Variants in TPPP observed in about 807,000 individuals in gnomAD.
The protein encoded by TPPP is tubulin polymerization promoting protein, also known as tubulin polymerization-promoting protein.
Under a neutral mutation model 15.5 loss-of-function variants are expected in TPPP, and 6 were observed. The ratio of observed to expected loss-of-function variants is 0.39; its 90% confidence interval spans 0.21 to 0.77. The LOEUF (loss-of-function observed/expected upper bound fraction) is 0.77. TPPP is among the 30% of genes least tolerant of loss of function. The pLI is 0.42. For missense variants in TPPP, 269 were observed against 307.2 expected (o/e 0.88, Z 0.93); for synonymous variants, 146 against 133.9 (o/e 1.09, Z -0.63).
At chr5:672,201 C>T (rs978309738) in intron 2 of TPPP, among the ~76,000 whole-genome samples, 1 of 152,154 alleles carries the variant, frequency 6.6e-6, no homozygotes, top group Non-Finnish European at 1.5e-5. Context: ...GACCCCAGTG[C>T]CGGCTGGCCG....
intron 2 of TPPP, among the ~76,000 whole-genome samples, chr5:675,141 G>A (rs67360242): frequency 0.07 from 3,679 of 52,732 alleles, 391 homozygotes; most frequent in African/African-American, 0.27. Context: ...CAGGGGTGCA[G>A]TGTGGCCAGG....
chr5:673,012 G>A (rs1257206516), intron 2 of TPPP, among the ~76,000 whole-genome samples: 1 of 152,218 alleles, frequency 6.6e-6, no homozygotes, highest in African/African-American at 2.4e-5. Context: ...ACAGAAATCG[G>A]TAGACTTTTT....
intron 2 of TPPP, among the ~76,000 whole-genome samples, chr5:669,721 G>A (rs1005516155): frequency 6.6e-6 from 1 of 152,036 alleles, no homozygotes; most frequent in African/African-American, 2.4e-5. Flanking sequence ...CACCTGCTCT[G>A]CGCGCTCCCC....
intron 2 of TPPP, among the ~76,000 whole-genome samples, chr5:673,118 A>G (rs1353132269): frequency 6.6e-6 from 1 of 152,068 alleles, no homozygotes; most frequent in Non-Finnish European, 1.5e-5. Context: ...GGCTCCCACA[A>G]GTGACAGTGG....
chr5:674,072 G>T (rs1458419926), intron 2 of TPPP, among the ~76,000 whole-genome samples: 1 of 152,250 alleles, frequency 6.6e-6, no homozygotes, highest in Non-Finnish European at 1.5e-5. Flanking sequence ...TGCACATGGG[G>T]CCGGCCCTGC....
intron 1 of TPPP, among the ~76,000 whole-genome samples, chr5:692,311 C>T (rs1156746882): frequency 8.2e-6 from 1 of 121,748 alleles, no homozygotes; most frequent in Non-Finnish European, 1.7e-5. Context: ...ATCAAAACTG[C>T]AGCTCCCAAC....
intron 2 of TPPP, among the ~76,000 whole-genome samples, chr5:670,630 A>G (rs3828569): frequency 0.13 from 19,106 of 152,058 alleles, 1,317 homozygotes; most frequent in South Asian, 0.23. Context: ...CCTGTCTGGC[A>G]TCGCCATCCT....
intron 2 of TPPP, among the ~76,000 whole-genome samples, chr5:675,280 G>A (rs867342441): frequency 8.6e-6 from 1 of 116,448 alleles, no homozygotes; most frequent in African/African-American, 3.6e-5. Flanking sequence ...AGCCCAGGGG[G>A]TTCAGTGTGG....
rs1739526130 is a variant in TPPP, at chr5:660,203, A to G, written c.*4899T>C. 1 of 105,222 alleles carries G rather than the reference A, an allele frequency of 9.5e-6. No individual in the cohort carries two copies. Among genetic ancestry groups the G allele is most frequent in the South Asian group, 3.0e-4 (1 of 3,350 alleles). The allele number at this position is 105,222 out of a possible 1,614,324, so 6.5% of individuals were successfully genotyped here. A position where few individuals can be genotyped will look rare whatever the true frequency, so the allele number is the denominator to read the frequency against. Reference sequence around the variant, plus strand: ...ATCACACAGTGTAAAAATATATTGCACATATATATATATATATATATATAT... The same window carrying G: ...ATCACACAGTGTAAAAATATATTGCGCATATATATATATATATATATATAT... On this transcript the variant is annotated 3_prime_UTR_variant, in exon 4 of 4. Coordinates refer to ENST00000360578, the MANE Select transcript of TPPP (RefSeq NM_007030.3).
At chr5:685,034 C>A (rs1316822357) in intron 1 of TPPP, among the ~76,000 whole-genome samples, 1 of 152,182 alleles carries the variant, frequency 6.6e-6, no homozygotes, top group Non-Finnish European at 1.5e-5. Flanking sequence ...AGGTCACAGT[C>A]CTGAAAGGTC....
At chr5:700,619 C>T in the TPPP span, among the ~76,000 whole-genome samples, 1 of 152,094 alleles carries the variant, frequency 6.6e-6, no homozygotes, top group Admixed American at 6.6e-5. Flanking sequence ...TAAATAATTG[C>T]ATCTCAGAAT....
At chr5:674,392 G>A (rs926755468) in intron 2 of TPPP, among the ~76,000 whole-genome samples, 1 of 152,134 alleles carries the variant, frequency 6.6e-6, no homozygotes. Flanking sequence ...GAGCTGCCCT[G>A]CCCTTGCCCA....
At chr5:679,403 AGGATCC>A (rs1740557799) in intron 1 of TPPP, among the ~76,000 whole-genome samples, 3 of 105,208 alleles carry the variant, frequency 2.9e-5, no homozygotes, top group Admixed American at 9.6e-5. Context: ...GCGTGGGGGC[AGGATCC>A]TGGGGGTGGA....
At chr5:665,820 A>G in intron 3 of TPPP, 150 bp downstream of exon 3, 1 of 860,692 alleles carries the variant, frequency 1.2e-6, no homozygotes, top group Non-Finnish European at 1.7e-6. Context: ...ACACCAGGCC[A>G]CGCCCTCCTG....
intron 2 of TPPP, among the ~76,000 whole-genome samples, chr5:675,550 G>A (rs114965154): frequency 8.2e-5 from 12 of 145,732 alleles, no homozygotes; most frequent in South Asian, 2.2e-4. Context: ...CCGTGTGGCC[G>A]GGGGTGCAGT....
chr5:671,907 C>CGGGGGA (rs944424606), intron 2 of TPPP, among the ~76,000 whole-genome samples: 6 of 152,150 alleles, frequency 3.9e-5, no homozygotes, highest in Admixed American at 6.5e-5. Flanking sequence ...CTGGGTACCA[C>CGGGGGA]GGGGGAGGGG....
rs2126858335 is a variant in TPPP, at chr5:663,162, C to CCGATGA, written c.*1934_*1939dup. 1 of 129,896 alleles carries CCGATGA rather than the reference C, an allele frequency of 7.7e-6. No individual in the cohort carries two copies. The highest frequency in any genetic ancestry group is 2.5e-5 in the African/African-American group (1 of 39,850). 8.0% of individuals were successfully genotyped at this position (129,896 alleles called of 1,614,324 possible). On this transcript the variant is annotated 3_prime_UTR_variant, in exon 4 of 4. Transcript: ENST00000360578. ...ACCGCTCGTCTGTGATCGGGTGAGT[C>CCGATGA]CGATGACTGCTCGTCTGTGACCGGG... is the stretch of plus-strand genomic sequence containing the variant.
intron 1 of TPPP, among the ~76,000 whole-genome samples, chr5:685,084 C>T (rs1489937516): frequency 2.0e-5 from 3 of 152,146 alleles, no homozygotes; most frequent in East Asian, 1.9e-4. Context: ...GTGCCCGGTC[C>T]AGAGAGGTCA....
At chr5:671,601 A>G (rs1436261422) in intron 2 of TPPP, among the ~76,000 whole-genome samples, 1 of 152,174 alleles carries the variant, frequency 6.6e-6, no homozygotes, top group Non-Finnish European at 1.5e-5. Flanking sequence ...TGCTCTGGGG[A>G]TTGCTGGTGC....
Sources: gnomAD v4.1 joint callset for allele counts (sites outside exome capture counted in the v4.1 genomes callset) on GRCh38, gnomAD v4.1.1 for gene constraint, MANE v1.5 for transcripts, NCBI Gene and HGNC (gene_info 2026-07-23, HGNC 2026-07-21) for gene names.